Variants in GSS observed in about 807,000 individuals in gnomAD.
The protein encoded by GSS is GSH synthetase.
Under a neutral mutation model 60.4 loss-of-function variants are expected in GSS, and 34 were observed. The ratio of observed to expected loss-of-function variants is 0.56; its 90% CI spans 0.43 to 0.75. The LOEUF (loss-of-function observed/expected upper bound fraction) is 0.75. GSS is among the 30% of genes least tolerant of loss of function. GSS has a pLI of 0.00. For synonymous variants in GSS, 224 were observed against 239.0 expected (o/e 0.94, Z 0.58); for missense variants, 499 against 595.1 (o/e 0.84, Z 1.68).
chr20:34,937,000 T>G lies in GSS; in HGVS notation c.632A>C (p.Gln211Pro), dbSNP rs2147125705. Reference sequence around the variant, plus strand: ...GTCAAATATGTTTCTTTCCTTCTCTTGAGCAATCAGTAGCACCAGAGCACT... The same window carrying G: ...GTCAAATATGTTTCTTTCCTTCTCTGGAGCAATCAGTAGCACCAGAGCACT... Reference protein sequence around the residue: ...SPNALVLLIAQEKERNIFDQR... With the variant: ...SPNALVLLIAPEKERNIFDQR... The change falls in exon 7 of 13, where the codon CAA (glutamine) becomes CCA (proline). Residue 211 changes from glutamine to proline, a missense_variant. Coordinates refer to ENST00000651619, the MANE Select transcript of GSS (RefSeq NM_000178.4). 1.9e-6 allele frequency: 3 copies of G among 1,613,880 alleles called. No homozygotes were observed. In the East Asian group the frequency reaches 6.7e-5, roughly 36 times the overall value.
At position 34,953,675 on chromosome 20, in the gene GSS, G is replaced by A. The variant is rs142332585; in HGVS notation, c.-8-1815C>T. Among the ~76,000 whole-genome samples, 73 of 145,870 alleles carry A rather than the reference G, an allele frequency of 5.0e-4. 1 individual carries two copies. In the East Asian group the frequency reaches 0.013, roughly 27 times the overall value. On this transcript the variant is annotated intron_variant, in intron 1 of 12. Coordinates refer to ENST00000651619, the MANE Select transcript of GSS (RefSeq NM_000178.4). ...CTGTCGCCCAGGCTGGAGTGCAGCCGCACGATCTCGGCTCACTGCAAGCTC... is the reference window on the plus strand; with the variant it reads ...CTGTCGCCCAGGCTGGAGTGCAGCCACACGATCTCGGCTCACTGCAAGCTC...
At chr20:34,934,439 G>C (rs373463727) in intron 9 of GSS, among the ~76,000 whole-genome samples, 1 of 151,870 alleles carries the variant, frequency 6.6e-6, no homozygotes, top group Non-Finnish European at 1.5e-5. Flanking sequence ...ACCACGCCCG[G>C]CTAATTTTTG....
At chr20:34,950,326 G>A (rs1394082085) in intron 2 of GSS, among the ~76,000 whole-genome samples, 1 of 152,126 alleles carries the variant, frequency 6.6e-6, no homozygotes. Context: ...AACAATTACT[G>A]AGTGTGGACT....
rs1162104907 is a variant in GSS, at chr20:34,929,571, C to T, written c.1131G>A (p.Glu377=). 9.3e-6 allele frequency: 15 copies of T among 1,614,014 alleles called. No individual in the cohort carries two copies. The highest frequency in any genetic ancestry group is 1.2e-5 in the Non-Finnish European group (14 of 1,179,870). ...GCTGTTTCAGGGCCTGTACCATTTC[C>T]TCCCCATATAGGTTGTTACCTGCAA... ...REGGGNNLYG[E]EMVQALKQLK... Residue 377 remains glutamate (E), a synonymous_variant, in exon 12 of 13, where the codon GAG becomes GAA. Transcript: ENST00000651619.
At chr20:34,932,447 C>T (rs776051773) in intron 9 of GSS, among the ~76,000 whole-genome samples, 1 of 152,194 alleles carries the variant, frequency 6.6e-6, no homozygotes, top group African/African-American at 2.4e-5. Flanking sequence ...CTTCAAGATC[C>T]TTCAGGAGCT....
At chr20:34,942,286 T>A (rs1441311947) in intron 5 of GSS, among the ~76,000 whole-genome samples, 1 of 152,160 alleles carries the variant, frequency 6.6e-6, no homozygotes, top group Non-Finnish European at 1.5e-5. Context: ...CAGGACTAGA[T>A]GAGCTATGAG....
chr20:34,929,138 C>T, intron 12 of GSS, 187 bp from the exon 13 acceptor site: 2 of 739,718 alleles, frequency 2.7e-6, no homozygotes, highest in Non-Finnish European at 4.6e-6. Context: ...GTTCTGAGTC[C>T]TCTTGGTGCT....
chr20:34,946,235 A>G (rs912935239), intron 2 of GSS, 137 bp from the exon 3 acceptor site: 6 of 661,098 alleles, frequency 9.1e-6, no homozygotes, highest in African/African-American at 1.8e-5. Context: ...TTACCTTGGG[A>G]GAGTGGAAGG....
At chr20:34,940,677 G>C (rs2081475409) in intron 6 of GSS, among the ~76,000 whole-genome samples, 1 of 152,156 alleles carries the variant, frequency 6.6e-6, no homozygotes, top group African/African-American at 2.4e-5. Flanking sequence ...CTTAGCACAA[G>C]GTGTAGCACT....
At chr20:34,953,921 G>A (rs2081590052) in intron 1 of GSS, among the ~76,000 whole-genome samples, 1 of 152,122 alleles carries the variant, frequency 6.6e-6, no homozygotes, top group African/African-American at 2.4e-5. Context: ...TCCCTTTCAA[G>A]TAAGATTGCT....
intron 2 of GSS, among the ~76,000 whole-genome samples, chr20:34,948,833 G>A (rs768765225): frequency 4.6e-5 from 7 of 151,812 alleles, no homozygotes; most frequent in Admixed American, 2.0e-4. Flanking sequence ...CCTATAGCAC[G>A]TGCATGACAA....
intron 9 of GSS, 35 bp from the exon 10 acceptor site, chr20:34,932,168 T>A: frequency 6.5e-7 from 1 of 1,543,936 alleles, no homozygotes; most frequent in Non-Finnish European, 9.0e-7. Context: ...AATTCGACTT[T>A]ATTTTACTTC....
intron 3 of GSS, among the ~76,000 whole-genome samples, chr20:34,944,658 C>G (rs917570550): frequency 1.3e-5 from 2 of 152,154 alleles, no homozygotes; most frequent in Admixed American, 1.3e-4. Context: ...TTTGCATATA[C>G]GTAATGAGAC....
Position 34,928,776 on chromosome 20 carries a change from G to A in GSS, c.*52C>T, listed in dbSNP as rs1023621320. 7.5e-6 allele frequency: 12 copies of A among 1,607,950 alleles called. No individual in the cohort carries two copies. The highest frequency in any genetic ancestry group is 1.0e-5 in the Non-Finnish European group (12 of 1,174,744). ...GGAGGATACCCCTCAGGAGGGCTAG[G>A]AGAGGAATGACAAATACAGAGGATA... On this transcript the variant is annotated 3_prime_UTR_variant, in exon 13 of 13. Transcript: ENST00000651619.
At chr20:34,929,210 T>C (rs900460541) in intron 12 of GSS, 191 bp downstream of exon 12, 1 of 703,476 alleles carries the variant, frequency 1.4e-6, no homozygotes, top group Admixed American at 2.2e-5. Flanking sequence ...GATACCCTGG[T>C]AAGGTGGGCA....
chr20:34,951,731 G>A lies in GSS; in HGVS notation c.122C>T (p.Ser41Phe), dbSNP rs2081569860. 7.5e-6 allele frequency: 12 copies of A among 1,608,254 alleles called. No individual in the cohort carries two copies. Among genetic ancestry groups the A allele is most frequent in the Non-Finnish European group, 8.5e-6 (10 of 1,176,890 alleles). Residue 41 changes from serine (S) to phenylalanine (F), a missense_variant, in exon 2 of 13, where the codon TCC becomes TTC. By Grantham distance (155) the Ser-to-Phe change is radical. Transcript: ENST00000651619. ...GAGGAGCTAGGGGCTTACCTCCGAG[G>A]AAGTGGGCTCCTGTGAGGTCCTCAG... ...VLLRTSQEPT[S>F]SEVVSYAPFT...
Position 34,931,358 on chromosome 20 carries a change from T to C in GSS, c.1089A>G (p.Leu363=). Residue 363 remains leucine (L), a synonymous_variant, in exon 11 of 13, where the codon CTA becomes CTG. Coordinates refer to ENST00000651619, the MANE Select transcript of GSS (RefSeq NM_000178.4). The part of the protein sequence containing the change: ...EALAAPSRFV[L]KPQREGGGNN... ...TACCTCCACCCTCTCTCTGGGGCTT[T>C]AGCACAAACCGGCTAGGGGCAGCAA... The C allele has an allele frequency of 6.2e-7, 1 of 1,614,130 alleles. No individual in the cohort carries two copies. The highest frequency in any genetic ancestry group is 8.5e-7 in the Non-Finnish European group (1 of 1,179,956).
chr20:34,929,121 A>C, intron 12 of GSS, 170 bp from the exon 13 acceptor site: 3 of 823,610 alleles, frequency 3.6e-6, no homozygotes, highest in Non-Finnish European at 6.0e-6. Context: ...AGGTTGTCAA[A>C]CCATGTGTTC....
At chr20:34,948,316 T>G (rs929606202) in intron 2 of GSS, among the ~76,000 whole-genome samples, 3 of 152,144 alleles carry the variant, frequency 2.0e-5, no homozygotes, top group African/African-American at 4.8e-5. Flanking sequence ...CCAACAAGTC[T>G]CATCTTGGCC....
Sources: allele counts gnomAD v4.1 joint callset (sites outside exome capture counted in the v4.1 genomes callset), GRCh38; gene constraint gnomAD v4.1.1; transcripts MANE v1.5; gene names NCBI Gene and HGNC (gene_info 2026-07-23, HGNC 2026-07-21).